Variants in OPCML observed in about 807,000 individuals in gnomAD.
The protein encoded by OPCML is opioid binding protein/cell adhesion molecule like, also known as opioid-binding protein/cell adhesion molecule.
A neutral mutation model predicts 37.8 loss-of-function variants in OPCML; 13 were observed. The ratio of observed to expected loss-of-function variants is 0.34; its 90% CI spans 0.22 to 0.55. The LOEUF is 0.55. OPCML is among the 20% of genes least tolerant of loss of function. The pLI, the probability that OPCML is intolerant of heterozygous loss-of-function variation, is 0.91. For synonymous variants in OPCML, 176 were observed against 168.8 expected, an observed-to-expected ratio of 1.04 and a Z score of -0.33; for missense variants, 341 against 435.6, an observed-to-expected ratio of 0.78 and a Z score of 1.93.
chr11:133,084,855 C>T (rs1436801723), intron 1 of OPCML, among the ~76,000 whole-genome samples: 1 of 152,148 alleles, frequency 6.6e-6, no homozygotes, highest in Non-Finnish European at 1.5e-5. Flanking sequence ...GAGCATCTAC[C>T]ATACAATATA....
intron 2 of OPCML, among the ~76,000 whole-genome samples, chr11:132,769,738 T>C (rs1946575329): frequency 6.6e-6 from 1 of 152,052 alleles, no homozygotes; most frequent in African/African-American, 2.4e-5. Flanking sequence ...CTTCGATGCT[T>C]AAAGGTCGAA....
intron 2 of OPCML, among the ~76,000 whole-genome samples, chr11:132,769,542 C>G (rs1297493659): frequency 6.6e-6 from 1 of 152,162 alleles, no homozygotes; most frequent in African/African-American, 2.4e-5. Flanking sequence ...TTGTCAAAAA[C>G]AAAAGCAATG....
chr11:132,724,867 T>C (rs1202736620), intron 2 of OPCML, among the ~76,000 whole-genome samples: 1 of 152,140 alleles, frequency 6.6e-6, no homozygotes, highest in Non-Finnish European at 1.5e-5. Context: ...TCCAAAATGA[T>C]CTCCTTTGAC....
chr11:132,534,140 A>AT (rs377475506), intron 3 of OPCML, among the ~76,000 whole-genome samples: 8 of 151,328 alleles, frequency 5.3e-5, no homozygotes, highest in South Asian at 2.1e-4. Flanking sequence ...CACATGTGTA[A>AT]TTTTTTTTTC....
intron 2 of OPCML, among the ~76,000 whole-genome samples, chr11:132,727,657 G>T (rs1401991553): frequency 1.3e-5 from 2 of 152,134 alleles, no homozygotes; most frequent in Non-Finnish European, 2.9e-5. Flanking sequence ...GATTTAATTG[G>T]CCTAGGGTAG....
chr11:132,774,029 A>G (rs1425203402), intron 2 of OPCML, among the ~76,000 whole-genome samples: 2 of 152,220 alleles, frequency 1.3e-5, no homozygotes, highest in African/African-American at 4.8e-5. Context: ...TGACTTTCAA[A>G]AATTTCCTGG....
At chr11:133,374,285 G>A (rs1944747941) in intron 1 of OPCML, among the ~76,000 whole-genome samples, 1 of 152,218 alleles carries the variant, frequency 6.6e-6, no homozygotes, top group African/African-American at 2.4e-5. Context: ...ATGCACTCTA[G>A]TGTCTGGAAA....
At chr11:132,569,370 T>C (rs1329635457) in intron 3 of OPCML, among the ~76,000 whole-genome samples, 12 of 152,198 alleles carry the variant, frequency 7.9e-5, no homozygotes, top group Admixed American at 3.3e-4. Flanking sequence ...GACACTTTCA[T>C]CTCAGACTTG....
At chr11:133,027,140 C>G (rs976367170) in intron 1 of OPCML, among the ~76,000 whole-genome samples, 9 of 152,194 alleles carry the variant, frequency 5.9e-5, no homozygotes, top group African/African-American at 1.9e-4. Context: ...ACCCACTTGT[C>G]ACAGTTTGCC....
At chr11:132,533,819 C>G (rs1485851633) in intron 3 of OPCML, among the ~76,000 whole-genome samples, 1 of 152,152 alleles carries the variant, frequency 6.6e-6, no homozygotes, top group Non-Finnish European at 1.5e-5. Context: ...TCTCAACTCA[C>G]ATTCAGAGCT....
chr11:132,495,680 A>G (rs999097177), intron 4 of OPCML, among the ~76,000 whole-genome samples: 1 of 152,160 alleles, frequency 6.6e-6, no homozygotes, highest in African/African-American at 2.4e-5. Context: ...TCACGAGGCC[A>G]GGAGATTGAG....
Position 133,173,799 on chromosome 11 carries a change from C to A in OPCML, c.62-230789G>T, listed in dbSNP as rs1256400095. 3.3e-5 allele frequency among the ~76,000 whole-genome samples: 5 copies of A among 152,206 alleles called. No individual in the cohort carries two copies. Among genetic ancestry groups the A allele is most frequent in the African/African-American group, 1.2e-4 (5 of 41,450 alleles). On this transcript the variant is annotated intron_variant, in intron 1 of 7. Transcript: ENST00000524381. The surrounding 1 kb of genome is among the most constrained non-coding windows in gnomAD (Gnocchi z 7.8). ...TTTCTCTTTTTCCCCATCCCAGCTT[C>A]CATAGCAATACGACAGAGCCTAAAG...
chr11:132,576,264 CTTCT>C (rs145043703), intron 3 of OPCML, among the ~76,000 whole-genome samples: 46,474 of 151,550 alleles, frequency 0.31, 8,806 homozygotes, highest in Non-Finnish European at 0.43. Context: ...TTTCTCTCTT[CTTCT>C]TTAACACCCA....
chr11:133,395,260 T>C (rs141161607), intron 1 of OPCML, among the ~76,000 whole-genome samples: 111 of 152,332 alleles, frequency 7.3e-4, no homozygotes, highest in African/African-American at 2.4e-3. Context: ...GCTCCTTATA[T>C]ACTGGGTTAC....
chr11:132,445,967 G>A (rs1290285440), intron 4 of OPCML, among the ~76,000 whole-genome samples: 1 of 152,124 alleles, frequency 6.6e-6, no homozygotes, highest in East Asian at 1.9e-4. Flanking sequence ...AAATCTTGTG[G>A]TGGGGTAGGG....
chr11:133,139,069 A>C (rs1273157488), intron 1 of OPCML, among the ~76,000 whole-genome samples: 1 of 152,218 alleles, frequency 6.6e-6, no homozygotes, highest in African/African-American at 2.4e-5. Context: ...ATTTTTCCAG[A>C]TATGCCATAA....
chr11:132,689,494 CT>C (rs745947997), intron 2 of OPCML, among the ~76,000 whole-genome samples: 14 of 152,204 alleles, frequency 9.2e-5, no homozygotes, highest in Non-Finnish European at 1.8e-4. Context: ...AGAAAAATGC[CT>C]GCAACCTTAT....
intron 1 of OPCML, among the ~76,000 whole-genome samples, chr11:133,157,119 G>A (rs1325532802): frequency 2.6e-5 from 4 of 151,924 alleles, no homozygotes; most frequent in African/African-American, 4.8e-5. Flanking sequence ...AGAGGGAGCC[G>A]GCAATTTCTC....
At chr11:133,118,370 A>T (rs929110058) in intron 1 of OPCML, 29 of 985,084 alleles carry the variant, frequency 2.9e-5, no homozygotes, top group South Asian at 4.7e-5. Flanking sequence ...TAACGGTGAG[A>T]GTTATAAACT....
Sources: allele counts gnomAD v4.1 joint callset (sites outside exome capture counted in the v4.1 genomes callset), GRCh38; gene constraint gnomAD v4.1.1; non-coding constraint Gnocchi (gnomAD v3.1); transcripts MANE v1.5; gene names NCBI Gene and HGNC (gene_info 2026-07-23, HGNC 2026-07-21).